Variants in CDK15 observed in about 807,000 individuals in gnomAD.
CDK15 encodes the protein cyclin dependent kinase 15.
In CDK15, 62 loss-of-function variants were observed where a neutral mutation model predicts 60.3. The ratio of observed to expected loss-of-function variants is 1.03; its 90% CI spans 0.84 to 1.27. The LOEUF is 1.27. Ranked by LOEUF, CDK15 falls within the 50% of genes most tolerant of loss-of-function variation. The probability of loss-of-function intolerance (pLI) is 0.00; values close to 1 mark genes in which losing one functional copy is unlikely to be tolerated. For missense variants in CDK15, 541 were observed against 527.8 expected (o/e 1.03, Z -0.25); for synonymous variants, 194 against 195.7 (o/e 0.99, Z 0.07).
intron 9 of CDK15, 119 bp from the exon 10 acceptor site, chr2:201,854,755 G>T: frequency 1.3e-6 from 1 of 769,974 alleles, no homozygotes; most frequent in Non-Finnish European, 2.2e-6. Flanking sequence ...GTCATGCAAT[G>T]GGACATACAT....
At chr2:201,839,970 T>TTTTTG (rs1697299272) in intron 8 of CDK15, among the ~76,000 whole-genome samples, 3 of 150,674 alleles carry the variant, frequency 2.0e-5, no homozygotes, top group African/African-American at 7.4e-5. Context: ...CTGGGGTTTT[T>TTTTTG]TTTTTGTTTT....
chr2:201,876,531 A>C, intron 11 of CDK15: 1 of 1,262,178 alleles, frequency 7.9e-7, no homozygotes. Flanking sequence ...TAGGAGGAAG[A>C]GACTTCACTT....
chr2:201,867,776 C>G (rs886709708), intron 10 of CDK15, among the ~76,000 whole-genome samples: 2 of 152,126 alleles, frequency 1.3e-5, no homozygotes, highest in African/African-American at 4.8e-5. Context: ...GAGAACCTAC[C>G]TCTCCAAAAT....
chr2:201,856,369 C>T (rs1698144132), intron 10 of CDK15, among the ~76,000 whole-genome samples: 2 of 152,184 alleles, frequency 1.3e-5, no homozygotes, highest in African/African-American at 4.8e-5. Context: ...CTGTAAAGTC[C>T]TTTCAGCTGC....
chr2:201,838,027 C>T (rs1011933046), intron 8 of CDK15, among the ~76,000 whole-genome samples: 4 of 152,106 alleles, frequency 2.6e-5, no homozygotes, highest in South Asian at 2.1e-4. Flanking sequence ...CAAAGGACTC[C>T]GGCAGGCTCT....
chr2:201,806,885 T>C, intron 1 of CDK15, 98 bp downstream of exon 1: 1 of 1,318,518 alleles, frequency 7.6e-7, no homozygotes, highest in Non-Finnish European at 1.0e-6. Context: ...CTGCGGTAGG[T>C]CTAAACCAAT....
chr2:201,812,638 A>T, intron 4 of CDK15, 76 bp downstream of exon 4: 1 of 803,052 alleles, frequency 1.2e-6, no homozygotes, highest in Non-Finnish European at 2.0e-6. Context: ...GCATTGATCC[A>T]TTCAGCATCT....
chr2:201,833,503 T>C (rs1696849987), intron 6 of CDK15, among the ~76,000 whole-genome samples: 1 of 152,062 alleles, frequency 6.6e-6, no homozygotes, highest in Admixed American at 6.6e-5. Flanking sequence ...GGGAAAAAAA[T>C]TAAATCTTTC....
intron 13 of CDK15, among the ~76,000 whole-genome samples, chr2:201,892,609 G>A (rs1559155231): frequency 6.6e-6 from 1 of 152,202 alleles, no homozygotes; most frequent in African/African-American, 2.4e-5. Flanking sequence ...AGCTCATGAT[G>A]TCCCTAGGCC....
chr2:201,826,089 T>C (rs537889104), intron 6 of CDK15, among the ~76,000 whole-genome samples: 1 of 152,126 alleles, frequency 6.6e-6, no homozygotes, highest in Non-Finnish European at 1.5e-5. Context: ...ATAGGACACT[T>C]GTGTAGAATA....
chr2:201,886,670 A>T (rs1395898579), intron 12 of CDK15, among the ~76,000 whole-genome samples: 4 of 152,120 alleles, frequency 2.6e-5, no homozygotes, highest in African/African-American at 9.7e-5. Flanking sequence ...TTCACCTGTG[A>T]CTCATTCAGT....
chr2:201,863,964 G>A (rs1698505497), intron 10 of CDK15, among the ~76,000 whole-genome samples: 1 of 152,092 alleles, frequency 6.6e-6, no homozygotes, highest in Non-Finnish European at 1.5e-5. Context: ...GCTCACCTGA[G>A]TTACTTTAAC....
rs200064544 is a variant in CDK15 at position 201,880,173 on chromosome 2, C to A, written c.1198+6C>A. The stretch of plus-strand genomic sequence containing the variant: ...GCTGTACCAGCTTCCTGATGGTGAG[C>A]GAGGGAGTGTGTGCGTGTGCGTGAG... On this transcript the variant is annotated splice_donor_region_variant and intron_variant, in intron 12 of 13. Coordinates refer to ENST00000652192, the MANE Select transcript of CDK15 (RefSeq NM_001366386.2). 3 of 1,613,596 alleles carry A rather than the reference C, an allele frequency of 1.9e-6. No homozygotes were observed. The highest frequency in any genetic ancestry group is 4.5e-5 in the East Asian group (2 of 44,848).
At chr2:201,812,998 T>C (rs1212248427) in intron 4 of CDK15, among the ~76,000 whole-genome samples, 1 of 152,188 alleles carries the variant, frequency 6.6e-6, no homozygotes, top group East Asian at 1.9e-4. Context: ...CTGCCTGTAT[T>C]TTCTCTGTGC....
chr2:201,848,736 G>A (rs1037876692), intron 9 of CDK15, among the ~76,000 whole-genome samples: 2 of 152,108 alleles, frequency 1.3e-5, no homozygotes, highest in African/African-American at 2.4e-5. Flanking sequence ...GCTTTAAATC[G>A]GCGGGGTGCA....
At chr2:201,862,251 T>C (rs4140771) in intron 10 of CDK15, among the ~76,000 whole-genome samples, 152,323 of 152,338 alleles carry the variant, frequency 1, 76,154 homozygotes, top group Non-Finnish European at 1. Flanking sequence ...AATGGGTATC[T>C]AGTAAGGGCT....
chr2:201,846,490 C>CA lies in CDK15; in HGVS notation c.852-875dup, dbSNP rs72164831. On this transcript the variant is annotated intron_variant, in intron 8 of 13. Coordinates refer to ENST00000652192, the MANE Select transcript of CDK15 (RefSeq NM_001366386.2). ...CCTGGGCGACAGACCAAGATTCCAC[C>CA]AAAAAAAAAAAAAAAATTGCAGAAT... Among the ~76,000 whole-genome samples the CA allele has an allele frequency of 5.5e-3, 700 of 126,474 alleles. 3 individuals are homozygous for CA. The highest frequency in any genetic ancestry group is 8.5e-3 in the Middle Eastern group (2 of 234). The allele number at this position is 126,474 out of a possible 152,430, so 83.0% of individuals were successfully genotyped here. A position where few individuals can be genotyped will look rare whatever the true frequency, so the allele number is the denominator to read the frequency against.
intron 8 of CDK15, among the ~76,000 whole-genome samples, chr2:201,843,980 A>G (rs1299953550): frequency 6.6e-6 from 1 of 152,206 alleles, no homozygotes; most frequent in South Asian, 2.1e-4. Context: ...AAAGGCAACA[A>G]GCTTCTTCCA....
At chr2:201,854,982 T>C in intron 10 of CDK15, 45 bp downstream of exon 10, 2 of 1,581,534 alleles carry the variant, frequency 1.3e-6, no homozygotes, top group African/African-American at 1.3e-5. Flanking sequence ...ATTAGTAATG[T>C]AAGGAGAGCA....
Sources: gnomAD v4.1 joint callset for allele counts (sites outside exome capture counted in the v4.1 genomes callset) on GRCh38, gnomAD v4.1.1 for gene constraint, MANE v1.5 for transcripts, NCBI Gene and HGNC (gene_info 2026-07-23, HGNC 2026-07-21) for gene names.